BPNT2: variants seen among roughly 807,000 people sequenced by gnomAD.
The protein encoded by BPNT2 is 3'(2'), 5'-bisphosphate nucleotidase 2.
In BPNT2, 11 loss-of-function variants were observed where a neutral mutation model predicts 29.3. That is an observed-to-expected ratio of 0.38 (90% CI 0.24 to 0.62). The LOEUF (loss-of-function observed/expected upper bound fraction) is 0.62, where lower values mean the gene tolerates loss of function less well. Among genes scored for constraint, BPNT2 ranks in the 20% least tolerant of loss-of-function variants. The pLI, the probability that BPNT2 is intolerant of heterozygous loss-of-function variation, is 0.62. For synonymous variants in BPNT2, 195 were observed against 187.7 expected, an observed-to-expected ratio of 1.04 and a Z score of -0.32; for missense variants, 459 against 473.4, an observed-to-expected ratio of 0.97 and a Z score of 0.28.
intron 1 of BPNT2, among the ~76,000 whole-genome samples, chr8:56,989,605 T>C (rs1454350641): frequency 6.6e-6 from 1 of 152,198 alleles, no homozygotes; most frequent in Non-Finnish European, 1.5e-5. Flanking sequence ...GCTTGAGTCC[T>C]GGTCCTCATC....
intron 3 of BPNT2, among the ~76,000 whole-genome samples, chr8:56,969,215 G>C (rs1225539806): frequency 6.6e-6 from 1 of 152,138 alleles, no homozygotes; most frequent in African/African-American, 2.4e-5. Context: ...AACTTGTTAC[G>C]ACAGCCCGAG....
At position 56,962,530 on chromosome 8, in the gene BPNT2, T is replaced by C. The variant is rs1805854578; in HGVS notation, c.*1263A>G. 6.6e-6 allele frequency: 1 copy of C among 152,106 alleles called. No homozygotes were observed. The highest frequency in any genetic ancestry group is 2.4e-5 in the African/African-American group (1 of 41,412). The allele number at this position is 152,106 out of a possible 1,614,324, so 9.4% of individuals were successfully genotyped here. Reference sequence around the variant, plus strand: ...CCAGATTTCACATTGAGAGAAACCATACATCCCAATGAAAGACAGTTCACA... The same window carrying C: ...CCAGATTTCACATTGAGAGAAACCACACATCCCAATGAAAGACAGTTCACA... On this transcript the variant is annotated 3_prime_UTR_variant, in exon 5 of 5. Coordinates refer to ENST00000262644, the MANE Select transcript of BPNT2 (RefSeq NM_017813.5).
At chr8:56,991,707 A>G (rs991819844) in intron 1 of BPNT2, among the ~76,000 whole-genome samples, 5 of 152,200 alleles carry the variant, frequency 3.3e-5, no homozygotes, top group Non-Finnish European at 5.9e-5. Context: ...TGTAGCCAGT[A>G]TTTGGGCATG....
At chr8:56,964,108 TAAGA>T in intron 4 of BPNT2, 44 bp from the exon 5 acceptor site, 1 of 1,413,718 alleles carries the variant, frequency 7.1e-7, no homozygotes, top group Non-Finnish European at 9.8e-7. Context: ...CAAAAAATTT[TAAGA>T]AAGTAGCATA....
intron 1 of BPNT2, 142 bp from the exon 2 acceptor site, chr8:56,980,339 CAAAATG>C (rs1407069408): frequency 2.4e-5 from 16 of 673,930 alleles, no homozygotes; most frequent in Admixed American, 1.2e-4. Context: ...CTCCATATTG[CAAAATG>C]AAAATGAAAA....
In BPNT2 at chr8:56,963,047, C is replaced by G. The variant is rs1006922386; in HGVS notation, c.*746G>C. On this transcript the variant is annotated 3_prime_UTR_variant, in exon 5 of 5. Coordinates refer to ENST00000262644, the MANE Select transcript of BPNT2 (RefSeq NM_017813.5). The stretch of plus-strand genomic sequence containing the variant: ...TCAGAAGGAAAAGGATGCAACCATG[C>G]ATCTTCCACAGGGAAAATGAAAATA... 6.6e-6 allele frequency: 1 copy of G among 152,204 alleles called. No individual in the cohort carries two copies. Among genetic ancestry groups the G allele is most frequent in the Admixed American group, 6.5e-5 (1 of 15,284 alleles). 9.4% of individuals were successfully genotyped at this position (152,204 alleles called of 1,614,324 possible).
Position 56,964,401 on chromosome 8 carries a change from C to T in BPNT2, c.809-337G>A, listed in dbSNP as rs909823432. 7 of 223,094 alleles carry T rather than the reference C, an allele frequency of 3.1e-5. No individual in the cohort carries two copies. In the East Asian group the frequency reaches 5.5e-4, roughly 18 times the overall value. 13.8% of individuals were successfully genotyped at this position (223,094 alleles called of 1,614,324 possible). A position where few individuals can be genotyped will look rare whatever the true frequency, so the allele number is the denominator to read the frequency against. On this transcript the variant is annotated intron_variant, in intron 4 of 4. Transcript: ENST00000262644. ...GCAACCTCCACCTCTCGGGTTCAAGCGATTCTCCTGCCCCAGCCTCCTGAG... is the reference window on the plus strand; with the variant it reads ...GCAACCTCCACCTCTCGGGTTCAAGTGATTCTCCTGCCCCAGCCTCCTGAG...
At chr8:56,969,268 G>A (rs1482372577) in intron 3 of BPNT2, among the ~76,000 whole-genome samples, 3 of 152,220 alleles carry the variant, frequency 2.0e-5, no homozygotes, top group African/African-American at 7.2e-5. Flanking sequence ...AACTAGCCAA[G>A]TAGTCTTTTA....
rs971085321 is a variant in BPNT2, at chr8:56,957,945, C to A, written c.*5848G>T. On this transcript the variant is annotated 3_prime_UTR_variant, in exon 5 of 5. Coordinates refer to ENST00000262644, the MANE Select transcript of BPNT2 (RefSeq NM_017813.5). Reference sequence around the variant, plus strand: ...AGCACACCATCTCTTTTAGACATGACCAATTTATTCAGAGAATTCAAATTT... The same window carrying A: ...AGCACACCATCTCTTTTAGACATGAACAATTTATTCAGAGAATTCAAATTT... 1 of 151,954 alleles carries A rather than the reference C, an allele frequency of 6.6e-6. No homozygotes were observed. The highest frequency in any genetic ancestry group is 1.5e-5 in the Non-Finnish European group (1 of 68,004). 9.4% of individuals were successfully genotyped at this position (151,954 alleles called of 1,614,324 possible).
chr8:56,980,242 T>G, intron 1 of BPNT2, 45 bp from the exon 2 acceptor site: 1 of 1,479,662 alleles, frequency 6.8e-7, no homozygotes. Flanking sequence ...AGACGAACAA[T>G]CACTATTTGA....
At chr8:56,984,694 A>G (rs1227347261) in intron 1 of BPNT2, among the ~76,000 whole-genome samples, 2 of 152,198 alleles carry the variant, frequency 1.3e-5, no homozygotes, top group Admixed American at 1.3e-4. Context: ...GCTTTTACAG[A>G]GCTTCCCTTC....
Position 56,963,933 on chromosome 8 carries a change from G to T in BPNT2, c.940C>A (p.His314Asn), listed in dbSNP as rs1554537977. The change falls in exon 5 of 5, where the codon CAT becomes AAT. Residue 314 changes from histidine (H) to asparagine (N), a missense_variant. Transcript: ENST00000262644. ...GNAILKALGG[H>N]MTTLSGEEIS... Reference sequence around the variant, plus strand: ...TCTTCACCACTCAGGGTAGTCATATGCCCCCCTAGGGCTTTTAAGATGGCA... The same window carrying T: ...TCTTCACCACTCAGGGTAGTCATATTCCCCCCTAGGGCTTTTAAGATGGCA... 6.2e-7 allele frequency: 1 copy of T among 1,613,898 alleles called. No homozygotes were observed. The highest frequency in any genetic ancestry group is 8.5e-7 in the Non-Finnish European group (1 of 1,179,996).
chr8:56,984,741 G>A (rs1427770015), intron 1 of BPNT2, among the ~76,000 whole-genome samples: 1 of 152,088 alleles, frequency 6.6e-6, no homozygotes, highest in East Asian at 1.9e-4. Flanking sequence ...AAATCAGACC[G>A]TGGCACCCTA....
At chr8:56,979,184 T>C (rs1413712754) in intron 2 of BPNT2, among the ~76,000 whole-genome samples, 1 of 152,170 alleles carries the variant, frequency 6.6e-6, no homozygotes, top group Non-Finnish European at 1.5e-5. Context: ...CTTGAGTAAA[T>C]TACTTAAATT....
chr8:56,979,939 T>A, intron 2 of BPNT2, 96 bp downstream of exon 2: 1 of 1,138,182 alleles, frequency 8.8e-7, no homozygotes, highest in South Asian at 1.3e-5. Flanking sequence ...TACTGAACAA[T>A]CAGTGAGCCA....
chr8:56,974,510 A>G (rs1255890394), intron 3 of BPNT2, among the ~76,000 whole-genome samples: 1 of 152,204 alleles, frequency 6.6e-6, no homozygotes, highest in Non-Finnish European at 1.5e-5. Context: ...ACATACCGAT[A>G]CTTAACAACT....
Position 56,963,675 on chromosome 8 carries a change from CT to C in BPNT2, c.*117del, listed in dbSNP as rs1805883251. The C allele has an allele frequency of 2.6e-6, 3 of 1,154,594 alleles. No individual in the cohort carries two copies. Among genetic ancestry groups the C allele is most frequent in the Non-Finnish European group, 3.8e-6 (3 of 781,268 alleles). The allele number at this position is 1,154,594 out of a possible 1,614,324, so 71.5% of individuals were successfully genotyped here. ...ATAAGTCTCTGATGCTTCATAAATA[CT>C]TTAAAAAGTTCGGGATGGCCTTAAC... On this transcript the variant is annotated 3_prime_UTR_variant, in exon 5 of 5. Transcript: ENST00000262644.
intron 1 of BPNT2, among the ~76,000 whole-genome samples, chr8:56,989,385 A>C (rs1475202209): frequency 6.6e-6 from 1 of 151,994 alleles, no homozygotes; most frequent in African/African-American, 2.4e-5. Context: ...AAAAAAAAAA[A>C]AAAAAAAATT....
intron 1 of BPNT2, among the ~76,000 whole-genome samples, chr8:56,985,973 G>A (rs1321076307): frequency 6.6e-6 from 1 of 152,198 alleles, no homozygotes; most frequent in Non-Finnish European, 1.5e-5. Context: ...CTCTTTCCCT[G>A]CTATGTTGAC....
Sources: gnomAD v4.1 joint callset for allele counts (sites outside exome capture counted in the v4.1 genomes callset) on GRCh38, gnomAD v4.1.1 for gene constraint, MANE v1.5 for transcripts, NCBI Gene and HGNC (gene_info 2026-07-23, HGNC 2026-07-21) for gene names.